Variants in ZNF75D observed in about 807,000 individuals in gnomAD.
ZNF75D encodes zinc finger protein 75D, also known as zinc finger protein 75.
ZNF75D carries 33 observed loss-of-function variants against 33.3 expected under a neutral mutation model. That is an observed-to-expected ratio of 0.99 (90% confidence interval 0.75 to 1.32). ZNF75D has a LOEUF of 1.32. Ranked by LOEUF, ZNF75D falls within the 40% of genes most tolerant of loss-of-function variation. The pLI is 0.00. For missense variants in ZNF75D, 338 were observed against 367.5 expected (o/e 0.92, Z 0.66); for synonymous variants, 113 against 130.6 (o/e 0.87, Z 0.92).
intron 1 of ZNF75D, among the ~76,000 whole-genome samples, chrX:135,258,559 T>G (rs1249055605): frequency 8.9e-6 from 1 of 112,225 alleles, no homozygotes; most frequent in Non-Finnish European, 1.9e-5. Flanking sequence ...TGAGGAGCTT[T>G]TTTTCATGTC....
chrX:135,265,711 A>G (rs1402404956), intron 1 of ZNF75D, among the ~76,000 whole-genome samples: 1 of 112,214 alleles, frequency 8.9e-6, no homozygotes, highest in Non-Finnish European at 1.9e-5. Context: ...GAAATACTAA[A>G]CAGAGTTCTT....
In ZNF75D at chrX:135,266,786, G is replaced by C. The variant is rs782313385; in HGVS notation, n.828-11009C>G. Among the ~76,000 whole-genome samples the C allele has an allele frequency of 7.1e-5, 8 of 111,901 alleles. No individual in the cohort carries two copies. The South Asian group carries it at 2.9e-3, about 41-fold the overall frequency. On this transcript the variant is annotated intron_variant and non_coding_transcript_variant, in intron 1 of 3. Transcript: ENST00000494295. ...CACTATAGAACAAATGGACTTAATA[G>C]ATATTTACAGAACATTTCATCCAAT...
chrX:135,291,058 A>G lies in ZNF75D; in HGVS notation c.774T>C (p.Thr258=). The change falls in exon 6 of 7, where the codon ACT becomes ACC. Residue 258 remains threonine (T), a synonymous_variant. Coordinates refer to ENST00000370766, the MANE Select transcript of ZNF75D (RefSeq NM_007131.5). ...TATCCTGCATTACATCATTGTAGAG[A>G]GTCTTCTCAAGAGGATTCAATAATT... ...EWQLLNPLEK[T]LYNDVMQDIY... is the part of the protein sequence containing the mutation. 16 of 1,205,433 alleles carry G rather than the reference A, an allele frequency of 1.3e-5. No homozygotes were observed. Among genetic ancestry groups the G allele is most frequent in the Non-Finnish European group, 1.6e-5 (14 of 889,583 alleles).
At chrX:135,308,623 C>T (rs2084318785) in intron 1 of ZNF75D, among the ~76,000 whole-genome samples, 1 of 112,150 alleles carries the variant, frequency 8.9e-6, no homozygotes, top group Non-Finnish European at 1.9e-5. Context: ...ATAGAGAACA[C>T]AGTTGGCATC....
Position 135,316,177 on chromosome X carries a change from G to A in ZNF75D, c.-390-20138C>T, listed in dbSNP as rs781834602. Among the ~76,000 whole-genome samples, 9 of 111,827 alleles carry A rather than the reference G, an allele frequency of 8.0e-5. No individual in the cohort carries two copies. The South Asian group carries it at 3.0e-3, about 37-fold the overall frequency. ...TTGCTTCTAGGTTTATGACTCCCTT[G>A]AGCATTTCTTGTAGGGGCAGTCTAG... On this transcript the variant is annotated intron_variant, in intron 1 of 6. Transcript: ENST00000370766.
intron 6 of ZNF75D, among the ~76,000 whole-genome samples, chrX:135,289,124 G>A (rs62599926): frequency 0.017 from 1,893 of 112,314 alleles, 20 homozygotes; most frequent in Non-Finnish European, 0.025. Flanking sequence ...TGTTACCATG[G>A]TGGATTTTCA....
At chrX:135,321,322 G>A (rs1033466542) in intron 1 of ZNF75D, among the ~76,000 whole-genome samples, 4 of 112,224 alleles carry the variant, frequency 3.6e-5, no homozygotes, top group Non-Finnish European at 7.5e-5. Context: ...GAATTTTGGA[G>A]GGGACACATT....
At chrX:135,263,488 T>G (rs190412991) in intron 1 of ZNF75D, among the ~76,000 whole-genome samples, 19 of 112,867 alleles carry the variant, frequency 1.7e-4, no homozygotes, top group Admixed American at 9.3e-5. Context: ...GAGCTGCCCC[T>G]GCCACTTTGT....
chrX:135,288,258 T>G (rs993466877), intron 6 of ZNF75D, among the ~76,000 whole-genome samples: 8 of 112,240 alleles, frequency 7.1e-5, no homozygotes, highest in Non-Finnish European at 1.5e-4. Context: ...CTGGATAAAA[T>G]AGAATATGTG....
At chrX:135,308,903 A>C (rs1459810428) in intron 1 of ZNF75D, among the ~76,000 whole-genome samples, 2 of 112,059 alleles carry the variant, frequency 1.8e-5, no homozygotes, top group African/African-American at 6.5e-5. Context: ...TTTGAAGCTA[A>C]AGTAACATAA....
chrX:135,343,720 C>A lies in ZNF75D; in HGVS notation c.-2343G>T, dbSNP rs1461222889. 3.6e-5 allele frequency: 4 copies of A among 111,970 alleles called. No individual in the cohort carries two copies. In the Admixed American group the frequency reaches 3.7e-4, roughly 10 times the overall value. 9.2% of individuals were successfully genotyped at this position (111,970 alleles called of 1,213,427 possible). On this transcript the variant is annotated 5_prime_UTR_variant, in exon 1 of 7. Transcript: ENST00000370766. ...CTTCCAGACCACCTTGGCCCCGAAA[C>A]CAGTTGTGCCCGCCGGCCAAGGCGC... is the stretch of plus-strand genomic sequence containing the variant.
At chrX:135,337,419 G>A (rs1351088251) in intron 1 of ZNF75D, among the ~76,000 whole-genome samples, 2 of 107,857 alleles carry the variant, frequency 1.9e-5, no homozygotes, top group Non-Finnish European at 3.9e-5. Context: ...GAACTATACT[G>A]CCATAATGTC....
chrX:135,266,722 C>A (rs1473552393), intron 1 of ZNF75D, among the ~76,000 whole-genome samples: 1 of 111,808 alleles, frequency 8.9e-6, no homozygotes, highest in Non-Finnish European at 1.9e-5. Context: ...ACAGATCTCC[C>A]AGACTGAAAA....
intron 1 of ZNF75D, among the ~76,000 whole-genome samples, chrX:135,259,918 T>C (rs1556415218): frequency 8.9e-6 from 1 of 112,124 alleles, no homozygotes; most frequent in African/African-American, 3.2e-5. Context: ...CAGTATGATA[T>C]TGGCTGTGGG....
At chrX:135,248,971 A>T (rs1461495337) in exon 4 of ZNF75D, 1 of 318,104 alleles carries the variant, frequency 3.1e-6, no homozygotes, top group African/African-American at 2.7e-5. Context: ...GGATTTATTG[A>T]TCCACACCAT....
chrX:135,292,638 ATAC>A (rs1471706969), intron 3 of ZNF75D, among the ~76,000 whole-genome samples, 165 bp from the exon 4 acceptor site: 2 of 112,362 alleles, frequency 1.8e-5, no homozygotes, highest in African/African-American at 6.5e-5. Context: ...ATAAAGAACT[ATAC>A]TCAAAATCTG....
intron 1 of ZNF75D, among the ~76,000 whole-genome samples, chrX:135,316,537 C>G (rs961587856): frequency 6.3e-5 from 7 of 111,482 alleles, no homozygotes; most frequent in African/African-American, 2.3e-4. Flanking sequence ...AATGTCCAAA[C>G]CTCTTGGTAG....
At chrX:135,249,305 T>C in intron 3 of ZNF75D, 1 of 263,491 alleles carries the variant, frequency 3.8e-6, no homozygotes, top group Non-Finnish European at 7.3e-6. Context: ...GAGGGACCTG[T>C]GAAAGTTGAT....
intron 1 of ZNF75D, among the ~76,000 whole-genome samples, chrX:135,301,330 A>G (rs553363737): frequency 1.8e-5 from 2 of 111,176 alleles, no homozygotes; most frequent in South Asian, 7.6e-4. Flanking sequence ...GAGCCAAACC[A>G]TATCATTCCA....
Sources: gnomAD v4.1 joint callset for allele counts (sites outside exome capture counted in the v4.1 genomes callset) on GRCh38, gnomAD v4.1.1 for gene constraint, MANE v1.5 for transcripts, NCBI Gene and HGNC (gene_info 2026-07-23, HGNC 2026-07-21) for gene names.